Variants in IFT43 observed in about 807,000 individuals in gnomAD.
The protein encoded by IFT43 is intraflagellar transport 43.
Under a neutral mutation model 32.3 loss-of-function variants are expected in IFT43, and 33 were observed. That is an observed-to-expected ratio of 1.02 (90% CI 0.77 to 1.37). IFT43 has a LOEUF of 1.37. Among genes scored for constraint, IFT43 ranks in the 40% most tolerant of loss-of-function variants. The pLI is 0.00. For synonymous variants in IFT43, 93 were observed against 98.2 expected (o/e 0.95, Z 0.31); for missense variants, 274 against 265.9 (o/e 1.03, Z -0.21).
chr14:76,005,680 A>G (rs963259813), intron 2 of IFT43, among the ~76,000 whole-genome samples: 1 of 152,208 alleles, frequency 6.6e-6, no homozygotes, highest in African/African-American at 2.4e-5. Context: ...ATAAAATTGC[A>G]GCTTTCTGCT....
rs555738067 is a variant in IFT43 at position 76,052,826 on chromosome 14, GC to G, written c.216-5814del. ...ATATAATAAATCACAGAACAATTAA[GC>G]CAACATTAACTACCAGATCATCAGG... On this transcript the variant is annotated intron_variant, in intron 3 of 8. Transcript: ENST00000314067. Among the ~76,000 whole-genome samples the G allele has an allele frequency of 1.1e-3, 169 of 152,294 alleles. 2 individuals carry two copies. The highest frequency in any genetic ancestry group is 3.9e-3 in the African/African-American group (161 of 41,560).
intron 3 of IFT43, among the ~76,000 whole-genome samples, chr14:76,054,592 G>A (rs370869216): frequency 6.6e-6 from 1 of 152,202 alleles, no homozygotes; most frequent in Non-Finnish European, 1.5e-5. Flanking sequence ...ACTCAGCCGA[G>A]GTAGTGTTTG....
chr14:76,019,012 A>G lies in IFT43; in HGVS notation c.148-3315A>G, dbSNP rs568478721. The stretch of plus-strand genomic sequence containing the variant: ...TAATCCATTTACATTCAAGGTTATT[A>G]TTGATGGCTAAGGACTTATTTCTGC... On this transcript the variant is annotated intron_variant, in intron 2 of 8. Transcript: ENST00000314067. Among the ~76,000 whole-genome samples, 3 of 152,234 alleles carry G rather than the reference A, an allele frequency of 2.0e-5. No homozygotes were observed. The East Asian group carries it at 5.8e-4, about 29-fold the overall frequency.
chr14:76,045,209 A>G (rs1292417688), intron 3 of IFT43, among the ~76,000 whole-genome samples: 1 of 152,224 alleles, frequency 6.6e-6, no homozygotes, highest in Non-Finnish European at 1.5e-5. Context: ...TTCAGGCTAG[A>G]CAAAGTTGTG....
intron 7 of IFT43, 124 bp downstream of exon 7, chr14:76,082,816 G>A: frequency 1.3e-6 from 1 of 788,474 alleles, no homozygotes; most frequent in East Asian, 2.4e-5. Flanking sequence ...TGCCTGCCTG[G>A]CACCCATACC....
intron 5 of IFT43, chr14:76,076,553 C>G: frequency 6.2e-7 from 1 of 1,612,314 alleles, no homozygotes; most frequent in African/African-American, 1.3e-5. Context: ...GGGGTATACT[C>G]ATTGCAAGCT....
intron 5 of IFT43, among the ~76,000 whole-genome samples, chr14:76,066,874 C>T (rs1447369510): frequency 6.6e-6 from 1 of 152,172 alleles, no homozygotes; most frequent in Non-Finnish European, 1.5e-5. Flanking sequence ...GGCCCCTTCC[C>T]AGTAGACAGT....
chr14:76,083,642 C>T lies in IFT43; in HGVS notation c.*65C>T, dbSNP rs1300226569. On this transcript the variant is annotated 3_prime_UTR_variant, in exon 9 of 9. Transcript: ENST00000314067. ...GCTTAAAGCTAAAGAAGCTTGTAAG[C>T]AGCTCCGAATTTTTACCTGGAATAT... 2 of 1,517,926 alleles carry T rather than the reference C, an allele frequency of 1.3e-6. No homozygotes were observed. The highest frequency in any genetic ancestry group is 4.5e-5 in the East Asian group (2 of 44,420). The allele number at this position is 1,517,926 out of a possible 1,614,324, so 94.0% of individuals were successfully genotyped here. A position where few individuals can be genotyped will look rare whatever the true frequency, so the allele number is the denominator to read the frequency against.
At chr14:76,039,395 G>A (rs182179251) in intron 3 of IFT43, among the ~76,000 whole-genome samples, 322 of 152,266 alleles carry the variant, frequency 2.1e-3, no homozygotes, top group Non-Finnish European at 3.7e-3. Context: ...CTGATCTCAC[G>A]CAATCCTCCT....
intron 3 of IFT43, among the ~76,000 whole-genome samples, chr14:76,055,218 C>T (rs1471016611): frequency 6.6e-6 from 1 of 151,792 alleles, no homozygotes; most frequent in Non-Finnish European, 1.5e-5. Context: ...CGGTGGCACG[C>T]ACTTGTAGTC....
rs531759753 is a variant in IFT43, at chr14:76,058,543, A to G, written c.216-99A>G. On this transcript the variant is annotated intron_variant, in intron 3 of 8. Coordinates refer to ENST00000314067, the MANE Select transcript of IFT43 (RefSeq NM_001102564.3). Reference sequence around the variant, plus strand: ...CAGACAAATAAAGCACTTGAGATATACTAATTTGCCTCCACTTTTGAAACC... The same window carrying G: ...CAGACAAATAAAGCACTTGAGATATGCTAATTTGCCTCCACTTTTGAAACC... The G allele has an allele frequency of 2.6e-5, 37 of 1,406,900 alleles. 1 individual carries two copies. In the South Asian group the frequency reaches 4.2e-4, roughly 16 times the overall value. The allele number at this position is 1,406,900 out of a possible 1,614,324, so 87.2% of individuals were successfully genotyped here. A position where few individuals can be genotyped will look rare whatever the true frequency, so the allele number is the denominator to read the frequency against.
At chr14:75,989,957 T>A (rs1384046439) in intron 2 of IFT43, among the ~76,000 whole-genome samples, 1 of 152,262 alleles carries the variant, frequency 6.6e-6, no homozygotes, top group Non-Finnish European at 1.5e-5. Context: ...TCTTAAGCTC[T>A]CCACATGGCC....
rs758490099 is a variant in IFT43 at position 76,076,729 on chromosome 14, G to A, written c.296-5566G>A. 17 of 1,612,188 alleles carry A rather than the reference G, an allele frequency of 1.1e-5. 1 individual carries two copies. In the South Asian group the frequency reaches 1.5e-4, roughly 15 times the overall value. On this transcript the variant is annotated intron_variant, in intron 5 of 8. Transcript: ENST00000314067. ...CTGTCAGTCTACGGGAACTGAAAAG[G>A]ATCCTTCTGGGACTTTGCTAGGTAA...
chr14:75,991,127 C>T (rs984679562), intron 2 of IFT43, among the ~76,000 whole-genome samples: 3 of 152,096 alleles, frequency 2.0e-5, no homozygotes, highest in Non-Finnish European at 4.4e-5. Flanking sequence ...ATTGTTTGAA[C>T]GTAGGAGTTC....
rs1197411423 is a variant in IFT43 at position 75,994,952 on chromosome 14, C to T, written c.147+5975C>T. On this transcript the variant is annotated intron_variant, in intron 2 of 8. Transcript: ENST00000314067. ...TGGCAAAACCTCTCCAGGGCTAGCT[C>T]ATCTTTTGGATGAGCATTTCTTGCT... Among the ~76,000 whole-genome samples, 3 of 152,238 alleles carry T rather than the reference C, an allele frequency of 2.0e-5. No homozygotes were observed. The East Asian group carries it at 5.8e-4, about 29-fold the overall frequency.
chr14:76,046,581 G>A (rs2036813081), intron 3 of IFT43, among the ~76,000 whole-genome samples: 1 of 152,186 alleles, frequency 6.6e-6, no homozygotes, highest in Non-Finnish European at 1.5e-5. Flanking sequence ...GGAAGAGACT[G>A]GATGAGGACA....
chr14:75,988,302 C>T (rs1336792387), intron 1 of IFT43, among the ~76,000 whole-genome samples: 1 of 152,056 alleles, frequency 6.6e-6, no homozygotes, highest in Non-Finnish European at 1.5e-5. Context: ...TCACTTGAGC[C>T]TAGGGGGTGG....
At chr14:76,014,578 T>G (rs1244196345) in intron 2 of IFT43, among the ~76,000 whole-genome samples, 1 of 152,194 alleles carries the variant, frequency 6.6e-6, no homozygotes, top group African/African-American at 2.4e-5. Flanking sequence ...CACTACACCC[T>G]TGGATCTGGT....
At position 76,078,953 on chromosome 14, in the gene IFT43, C is replaced by T. The variant is rs568265666; in HGVS notation, c.296-3342C>T. ...CCCATTTAGCCTTGTAGAGAAGTAG[C>T]GAGTCAGGGTGTATGGTAAGGGAGA... On this transcript the variant is annotated intron_variant, in intron 5 of 8. Transcript: ENST00000314067. Among the ~76,000 whole-genome samples the T allele has an allele frequency of 3.3e-5, 5 of 152,194 alleles. No individual in the cohort carries two copies. In the South Asian group the frequency reaches 8.3e-4, roughly 25 times the overall value.
Sources: allele counts gnomAD v4.1 joint callset (sites outside exome capture counted in the v4.1 genomes callset), GRCh38; gene constraint gnomAD v4.1.1; transcripts MANE v1.5; gene names NCBI Gene and HGNC (gene_info 2026-07-23, HGNC 2026-07-21).